Variants in SULT1E1 observed in about 807,000 individuals in gnomAD.
SULT1E1 encodes sulfotransferase 1E1.
In SULT1E1, 36 loss-of-function variants were observed where a neutral mutation model predicts 33.6. The observed-to-expected ratio is 1.07, with a 90% CI of 0.82 to 1.41. The LOEUF (loss-of-function observed/expected upper bound fraction) is 1.41, where lower values mean the gene tolerates loss of function less well. Ranked by LOEUF, SULT1E1 falls within the 40% of genes most tolerant of loss-of-function variation. The pLI, the probability that SULT1E1 is intolerant of heterozygous loss-of-function variation, is 0.00. For missense variants in SULT1E1, 371 were observed against 345.7 expected, an observed-to-expected ratio of 1.07 and a Z score of -0.58; for synonymous variants, 121 against 111.7, an observed-to-expected ratio of 1.08 and a Z score of -0.53.
At chr4:69,851,240 A>C (rs1460263705) in intron 4 of SULT1E1, among the ~76,000 whole-genome samples, 1 of 152,182 alleles carries the variant, frequency 6.6e-6, no homozygotes, top group Non-Finnish European at 1.5e-5. Context: ...CAAAGGTCTA[A>C]TATCCAGAAT....
chr4:69,842,830 C>CTT (rs902824927), intron 7 of SULT1E1, among the ~76,000 whole-genome samples: 2 of 144,576 alleles, frequency 1.4e-5, no homozygotes, highest in Non-Finnish European at 1.5e-5. Context: ...AGGAATTCAT[C>CTT]TTTTTTTTTT....
chr4:69,825,799 C>T, the SULT1E1 span, among the ~76,000 whole-genome samples: 131 of 152,278 alleles, frequency 8.6e-4, no homozygotes, highest in African/African-American at 3.1e-3. Flanking sequence ...CCTATCTATC[C>T]TGACCCTTGC....
chr4:69,847,282 C>A (rs953702085), intron 6 of SULT1E1, among the ~76,000 whole-genome samples: 1 of 150,828 alleles, frequency 6.6e-6, no homozygotes, highest in Admixed American at 6.6e-5. Context: ...AAAATTTCAT[C>A]TTTTATTTAT....
chr4:69,822,962 C>T, the SULT1E1 span, among the ~76,000 whole-genome samples: 2 of 152,132 alleles, frequency 1.3e-5, no homozygotes, highest in Non-Finnish European at 2.9e-5. Context: ...CCTGAAAGGC[C>T]GTGCTGAGTA....
chr4:69,824,818 G>A, the SULT1E1 span, among the ~76,000 whole-genome samples: 19 of 152,140 alleles, frequency 1.2e-4, no homozygotes, highest in African/African-American at 2.7e-4. Context: ...TGAACAGGAC[G>A]TGGGCAGGGC....
the SULT1E1 span, among the ~76,000 whole-genome samples, chr4:69,824,838 G>T: frequency 6.6e-6 from 1 of 152,154 alleles, no homozygotes; most frequent in African/African-American, 2.4e-5. Context: ...CCAAATAAGG[G>T]AATAAAAGCT....
At chr4:69,833,014 C>T in the SULT1E1 span, among the ~76,000 whole-genome samples, 3,213 of 152,248 alleles carry the variant, frequency 0.021, 104 homozygotes, top group African/African-American at 0.072. Flanking sequence ...CTGTTACTGC[C>T]TTTGAAATGA....
chr4:69,858,063 A>T (rs1297879886), intron 1 of SULT1E1, among the ~76,000 whole-genome samples: 1 of 152,162 alleles, frequency 6.6e-6, no homozygotes, highest in African/African-American at 2.4e-5. Context: ...ATGTCAAATA[A>T]CAATAAAGAT....
At chr4:69,852,268 A>G (rs965600252) in intron 4 of SULT1E1, among the ~76,000 whole-genome samples, 2 of 152,102 alleles carry the variant, frequency 1.3e-5, no homozygotes, top group African/African-American at 2.4e-5. Context: ...CTCTCCATTC[A>G]AATTCTTTTA....
intron 4 of SULT1E1, among the ~76,000 whole-genome samples, chr4:69,851,659 A>G (rs1301135738): frequency 2.6e-5 from 4 of 152,190 alleles, no homozygotes; most frequent in Non-Finnish European, 4.4e-5. Context: ...ATGCTACTAT[A>G]AAGACACATG....
Position 69,854,604 on chromosome 4 carries a change from ATACT to A in SULT1E1, c.272-294_272-291del, listed in dbSNP as rs1486564563. ...AAGATTCTATATTGTGTTCATAATA[ATACT>A]TACTATGAAAGAAAGAAATATAGAT... On this transcript the variant is annotated intron_variant, in intron 3 of 7. Transcript: ENST00000226444. Among the ~76,000 whole-genome samples, 9 of 152,140 alleles carry A rather than the reference ATACT, an allele frequency of 5.9e-5. No homozygotes were observed. The East Asian group carries it at 1.5e-3, about 26-fold the overall frequency.
the SULT1E1 span, among the ~76,000 whole-genome samples, chr4:69,831,702 C>G: frequency 6.6e-6 from 1 of 152,160 alleles, no homozygotes; most frequent in African/African-American, 2.4e-5. Context: ...TCTGACCGAC[C>G]AGACCGTCTC....
chr4:69,829,210 C>A, the SULT1E1 span, among the ~76,000 whole-genome samples: 12 of 152,304 alleles, frequency 7.9e-5, no homozygotes, highest in East Asian at 2.3e-3. Flanking sequence ...GCATGCAAAT[C>A]CTGCATTAGC....
the SULT1E1 span, among the ~76,000 whole-genome samples, chr4:69,827,897 A>G: frequency 2.5e-3 from 380 of 152,302 alleles, 3 homozygotes; most frequent in African/African-American, 8.7e-3. Flanking sequence ...AGATTGTCCA[A>G]TGAGAAACAA....
chr4:69,854,095 A>G, intron 4 of SULT1E1, 122 bp downstream of exon 4: 1 of 569,104 alleles, frequency 1.8e-6, no homozygotes, highest in Non-Finnish European at 3.0e-6. Flanking sequence ...TATTTATTCC[A>G]CATTTGTTAA....
rs943289039 is a variant in SULT1E1 at position 69,846,804 on chromosome 4, G to A, written c.591+894C>T. Reference sequence around the variant, plus strand: ...AGATATTTAAATTGTTATCAGTGTAGTGGGTGTAAAACAGGTATCTCATAG... The same window carrying A: ...AGATATTTAAATTGTTATCAGTGTAATGGGTGTAAAACAGGTATCTCATAG... On this transcript the variant is annotated intron_variant, in intron 6 of 7. Transcript: ENST00000226444. 2.0e-5 allele frequency among the ~76,000 whole-genome samples: 3 copies of A among 151,746 alleles called. No homozygotes were observed. In the South Asian group the frequency reaches 6.2e-4, roughly 31 times the overall value.
the SULT1E1 span, among the ~76,000 whole-genome samples, chr4:69,821,812 A>G: frequency 3.9e-5 from 6 of 152,252 alleles, no homozygotes; most frequent in East Asian, 5.8e-4. Flanking sequence ...TCCATTTCCT[A>G]TTTTCTGTCA....
At chr4:69,848,961 G>A (rs1183123514) in intron 5 of SULT1E1, among the ~76,000 whole-genome samples, 1 of 151,886 alleles carries the variant, frequency 6.6e-6, no homozygotes, top group African/African-American at 2.4e-5. Context: ...TGGGTAGAAT[G>A]AGGAAGAGTT....
rs11464421 is a variant in SULT1E1, at chr4:69,856,935, C to CAAAAAA, written c.145+559_145+564dup. On this transcript the variant is annotated intron_variant, in intron 2 of 7. Coordinates refer to ENST00000226444, the MANE Select transcript of SULT1E1 (RefSeq NM_005420.3). Reference sequence around the variant, plus strand: ...TGGGAGACAGAGCGAGACTCCGTCTCAAAAAAAAAAAAAAAAAAAAAAAAA... The same window carrying CAAAAAA: ...TGGGAGACAGAGCGAGACTCCGTCTCAAAAAAAAAAAAAAAAAAAAAAAAAAAAAAA... Among the ~76,000 whole-genome samples, 106 of 59,236 alleles carry CAAAAAA rather than the reference C, an allele frequency of 1.8e-3. 7 individuals carry two copies. Among genetic ancestry groups the CAAAAAA allele is most frequent in the Non-Finnish European group, 2.7e-3 (98 of 36,512 alleles). 38.9% of individuals were successfully genotyped at this position (59,236 alleles called of 152,430 possible).
Sources: gnomAD v4.1 joint callset for allele counts (sites outside exome capture counted in the v4.1 genomes callset) on GRCh38, gnomAD v4.1.1 for gene constraint, MANE v1.5 for transcripts, NCBI Gene and HGNC (gene_info 2026-07-23, HGNC 2026-07-21) for gene names.